PACS2: variants seen among roughly 807,000 people sequenced by gnomAD.
PACS2 encodes phosphofurin acidic cluster sorting protein 2, also known as PACS1-like protein.
In PACS2, 36 loss-of-function variants were observed where a neutral mutation model predicts 113.0. The ratio of observed to expected loss-of-function variants is 0.32; its 90% CI spans 0.24 to 0.42. The LOEUF is 0.42. Ranked by LOEUF, PACS2 falls within the 10% of genes least tolerant of loss-of-function variation. PACS2 has a pLI of 1.00. For synonymous variants in PACS2, 589 were observed against 536.1 expected, an observed-to-expected ratio of 1.10 and a Z score of -1.36; for missense variants, 1,015 against 1,239.5, an observed-to-expected ratio of 0.82 and a Z score of 2.72.
At chr14:105,314,731 G>GGCGGGGCGGA (rs2058485497), upstream of PACS2, 1 of 145,314 alleles carries the variant, frequency 6.9e-6, no homozygotes, top group South Asian at 2.1e-4. Flanking sequence ...CGCCGGGCGG[G>GGCGGGGCGGA]GCGGGGCGGA....
In PACS2 at chr14:105,392,615, C is replaced by T. The variant is rs1205902135; in HGVS notation, c.2256-4C>T. 6.3e-7 allele frequency: 1 copy of T among 1,599,618 alleles called. No homozygotes were observed. ...GTGTGAATGCCTCCCTCTGCCTTTC[C>T]CAGCCAGGGTGTCGGCGCCGAGCTG... On this transcript the variant is annotated splice_polypyrimidine_tract_variant and splice_region_variant and intron_variant, in intron 22 of 24. Coordinates refer to ENST00000447393, the MANE Select transcript of PACS2 (RefSeq NM_001100913.3).
At chr14:105,383,306 G>A (rs781799412) in intron 15 of PACS2, 53 bp from the exon 16 acceptor site, 5 of 1,589,650 alleles carry the variant, frequency 3.1e-6, no homozygotes, top group South Asian at 2.2e-5. Flanking sequence ...GATGGAGGAC[G>A]GCTCCCCTGA....
intron 2 of PACS2, among the ~76,000 whole-genome samples, chr14:105,350,889 G>C (rs1453835231): frequency 6.6e-6 from 1 of 152,238 alleles, no homozygotes; most frequent in African/African-American, 2.4e-5. Flanking sequence ...GAGGGGACAG[G>C]AGGGCTGGCC....
Position 105,370,189 on chromosome 14 carries a change from A to G in PACS2, c.801+289A>G, listed in dbSNP as rs2061098902. On this transcript the variant is annotated intron_variant, in intron 8 of 24. Coordinates refer to ENST00000447393, the MANE Select transcript of PACS2 (RefSeq NM_001100913.3). ...AGTTTGTGTGTTTTTTTTTTTATAAATAGACTTTAGTTTTTAGAGCAGTTT... is the reference window on the plus strand; with the variant it reads ...AGTTTGTGTGTTTTTTTTTTTATAAGTAGACTTTAGTTTTTAGAGCAGTTT... The G allele has an allele frequency of 1.9e-5, 6 of 313,182 alleles. 1 individual carries two copies. The highest frequency in any genetic ancestry group is 1.1e-4 in the South Asian group (2 of 17,998). The allele number at this position is 313,182 out of a possible 1,614,324, so 19.4% of individuals were successfully genotyped here.
chr14:105,314,961 G>A lies in PACS2; in HGVS notation c.43G>A (p.Ala15Thr). The change falls in exon 1 of 25, where the codon GCG becomes ACG. Residue 15 changes from alanine (A) to threonine (T), a missense_variant. Physicochemically the swap from Ala to Thr is moderately conservative, Grantham distance 58. Coordinates refer to ENST00000447393, the MANE Select transcript of PACS2 (RefSeq NM_001100913.3). ...CCTCGGCCTCCCCGGCGCGCCCGGC[G>A]CGCTCAACACGCCCGTGCCCATGAA... The part of the protein sequence containing the change: ...GRLGLPGAPG[A>T]LNTPVPMNLF... 8.3e-7 allele frequency: 1 copy of A among 1,198,038 alleles called. No individual in the cohort carries two copies. Among genetic ancestry groups the A allele is most frequent in the Non-Finnish European group, 1.1e-6 (1 of 945,598 alleles). 74.2% of individuals were successfully genotyped at this position (1,198,038 alleles called of 1,614,324 possible). A position where few individuals can be genotyped will look rare whatever the true frequency, so the allele number is the denominator to read the frequency against.
intron 18 of PACS2, 142 bp downstream of exon 18, chr14:105,385,129 G>A (rs1386036004): frequency 1.6e-6 from 1 of 637,170 alleles, no homozygotes; most frequent in Non-Finnish European, 2.9e-6. Flanking sequence ...GGCCAGCTGG[G>A]CAGCTCTGGG....
In PACS2 at chr14:105,379,782, A is replaced by G. The variant is rs1233272473; in HGVS notation, c.1003A>G (p.Ile335Val). 6.2e-7 allele frequency: 1 copy of G among 1,613,408 alleles called. No individual in the cohort carries two copies. The highest frequency in any genetic ancestry group is 8.5e-7 in the Non-Finnish European group (1 of 1,180,002). ...GLSHSSSQTE[I>V]GSIHSARSHK... Reference sequence around the variant, plus strand: ...GTCGCACTCGAGCTCGCAGACGGAGATTGGGAGCATCCACAGCGCCCGCAG... The same window carrying G: ...GTCGCACTCGAGCTCGCAGACGGAGGTTGGGAGCATCCACAGCGCCCGCAG... The change falls in exon 10 of 25, where the codon ATT becomes GTT. Residue 335 changes from isoleucine (I) to valine (V), a missense_variant. Ile to Val is a conservative substitution (Grantham distance 29, BLOSUM62 3). Coordinates refer to ENST00000447393, the MANE Select transcript of PACS2 (RefSeq NM_001100913.3).
Position 105,391,613 on chromosome 14 carries a change from T to C in PACS2, c.2120-18T>C. On this transcript the variant is annotated intron_variant, in intron 21 of 24. Transcript: ENST00000447393. Reference sequence around the variant, plus strand: ...AGCAGCAGGTGGGCTCAGCCTGCCCTGTGACTCCTCCCCAAAGGCGACTCG... The same window carrying C: ...AGCAGCAGGTGGGCTCAGCCTGCCCCGTGACTCCTCCCCAAAGGCGACTCG... The C allele has an allele frequency of 1.4e-6, 2 of 1,418,430 alleles. No homozygotes were observed. Among genetic ancestry groups the C allele is most frequent in the Non-Finnish European group, 1.9e-6 (2 of 1,060,392 alleles). The allele number at this position is 1,418,430 out of a possible 1,614,324, so 87.9% of individuals were successfully genotyped here. A position where few individuals can be genotyped will look rare whatever the true frequency, so the allele number is the denominator to read the frequency against.
intron 1 of PACS2, among the ~76,000 whole-genome samples, chr14:105,328,820 C>T (rs2059208141): frequency 6.6e-6 from 1 of 152,208 alleles, no homozygotes; most frequent in Admixed American, 6.5e-5. Flanking sequence ...GAATCTCTTG[C>T]CTGCTGTCTT....
chr14:105,351,697 TA>T (rs1196017841), intron 2 of PACS2, among the ~76,000 whole-genome samples: 5 of 152,204 alleles, frequency 3.3e-5, no homozygotes, highest in African/African-American at 1.2e-4. Flanking sequence ...AATTATTGTA[TA>T]TTTTTTTGTG....
chr14:105,318,190 C>G (rs2058745441), intron 1 of PACS2, among the ~76,000 whole-genome samples: 1 of 152,102 alleles, frequency 6.6e-6, no homozygotes, highest in Non-Finnish European at 1.5e-5. Flanking sequence ...CCTATGTTGC[C>G]CAGACTGGTC....
At chr14:105,379,900 C>T (rs111946173) in intron 10 of PACS2, 71 bp downstream of exon 10, 1 of 1,481,428 alleles carries the variant, frequency 6.8e-7, no homozygotes, top group African/African-American at 1.4e-5. Context: ...CCCAAATCTC[C>T]CAGCATGTCC....
chr14:105,384,638 G>A lies in PACS2; in HGVS notation c.1891+175G>A, dbSNP rs587623287. On this transcript the variant is annotated intron_variant, in intron 17 of 24. Coordinates refer to ENST00000447393, the MANE Select transcript of PACS2 (RefSeq NM_001100913.3). ...ATGCCTCCTATTCCCCTGAGCCTTGGAATGTTGGAAGCTGTGGGGCCTGTC... is the reference window on the plus strand; with the variant it reads ...ATGCCTCCTATTCCCCTGAGCCTTGAAATGTTGGAAGCTGTGGGGCCTGTC... Among the ~76,000 whole-genome samples the A allele has an allele frequency of 1.2e-4, 19 of 152,334 alleles. No individual in the cohort carries two copies. In the South Asian group the frequency reaches 2.9e-3, roughly 23 times the overall value.
intron 22 of PACS2, 52 bp downstream of exon 22, chr14:105,391,818 C>T: frequency 1.3e-6 from 2 of 1,516,766 alleles, no homozygotes; most frequent in Non-Finnish European, 1.8e-6. Context: ...CCACCACATG[C>T]TGCCTGATTC....
intron 16 of PACS2, 70 bp downstream of exon 16, chr14:105,383,583 T>C: frequency 3.4e-6 from 5 of 1,465,250 alleles, no homozygotes; most frequent in Non-Finnish European, 4.6e-6. Context: ...CATGGAGTGG[T>C]GTGGCGTGGC....
At chr14:105,378,264 T>TA (rs1555410966) in intron 9 of PACS2, among the ~76,000 whole-genome samples, 1 of 152,206 alleles carries the variant, frequency 6.6e-6, no homozygotes, top group East Asian at 1.9e-4. Flanking sequence ...CCTGGCCAGC[T>TA]AGCATTCATA....
upstream of PACS2, chr14:105,314,623 G>A (rs977954750): frequency 3.5e-4 from 50 of 143,946 alleles, no homozygotes; most frequent in African/African-American, 1.2e-3. Context: ...CCGAGGCGGC[G>A]AGCTGGCGCC....
chr14:105,381,686 G>A (rs148539653), intron 12 of PACS2, among the ~76,000 whole-genome samples: 2 of 152,362 alleles, frequency 1.3e-5, no homozygotes, highest in Non-Finnish European at 2.9e-5. Context: ...GAGCTGTGTG[G>A]GGTCCCATCG....
rs142801869 is a variant in PACS2, at chr14:105,345,182, C to T, written c.120-3311C>T. Among the ~76,000 whole-genome samples the T allele has an allele frequency of 2.1e-3, 316 of 152,116 alleles. 1 individual carries two copies. Among genetic ancestry groups the T allele is most frequent in the African/African-American group, 7.3e-3 (303 of 41,484 alleles). ...CAGCACTTTGGGAGGCCAAGGCAGG[C>T]GGATCACGAGGTCGGGAGATTGAGA... On this transcript the variant is annotated intron_variant, in intron 1 of 24. Transcript: ENST00000447393.
Sources: allele counts gnomAD v4.1 joint callset (sites outside exome capture counted in the v4.1 genomes callset), GRCh38; gene constraint gnomAD v4.1.1; transcripts MANE v1.5; gene names NCBI Gene and HGNC (gene_info 2026-07-23, HGNC 2026-07-21).